Variants in SULT1C3 observed in about 807,000 individuals in gnomAD.
SULT1C3 encodes sulfotransferase family 1C member 3.
In SULT1C3, 31 loss-of-function variants were observed where a neutral mutation model predicts 28.4. The observed-to-expected ratio is 1.09, with a 90% confidence interval of 0.82 to 1.47. SULT1C3 has a LOEUF of 1.47. Ranked by LOEUF, SULT1C3 falls within the 40% of genes most tolerant of loss-of-function variation. SULT1C3 has a pLI of 0.00. For missense variants in SULT1C3, 307 were observed against 272.5 expected (o/e 1.13, Z -0.89); for synonymous variants, 106 against 92.2 (o/e 1.15, Z -0.86).
intron 5 of SULT1C3, 149 bp downstream of exon 5, chr2:108,255,847 A>C: frequency 9.7e-7 from 1 of 1,033,808 alleles, no homozygotes; most frequent in Non-Finnish European, 1.3e-6. Flanking sequence ...CAGGTAGAAG[A>C]GGTATTTTTC....
chr2:108,250,236 A>G (rs1182006084), intron 2 of SULT1C3, among the ~76,000 whole-genome samples: 1 of 150,930 alleles, frequency 6.6e-6, no homozygotes, highest in Admixed American at 6.6e-5. Flanking sequence ...ACAAAAAACA[A>G]AAAAAAAATG....
chr2:108,251,398 A>T (rs1558663351), intron 2 of SULT1C3, among the ~76,000 whole-genome samples: 1 of 152,060 alleles, frequency 6.6e-6, no homozygotes. Flanking sequence ...TATTCCTAAA[A>T]GCAAATGGAA....
At chr2:108,251,743 A>G (rs1045842413) in intron 2 of SULT1C3, among the ~76,000 whole-genome samples, 1 of 152,086 alleles carries the variant, frequency 6.6e-6, no homozygotes, top group Admixed American at 6.6e-5. Context: ...AAGAAAAAAT[A>G]TGGAAAGATG....
intron 1 of SULT1C3, among the ~76,000 whole-genome samples, chr2:108,243,301 T>C (rs965329287): frequency 7.2e-5 from 11 of 152,288 alleles, no homozygotes; most frequent in African/African-American, 2.4e-4. Context: ...TTACAGTTTA[T>C]ACTTTAAAAC....
At position 108,258,043 on chromosome 2, in the gene SULT1C3, C is replaced by T. The variant is rs145332664; in HGVS notation, c.527-691C>T. On this transcript the variant is annotated intron_variant, in intron 5 of 7. Transcript: ENST00000681802. ...CTGGAGAATGTTTTCCATCATCCTT[C>T]AGACGAATCTTCAAGTCCACTTAGC... Among the ~76,000 whole-genome samples, 1,325 of 152,212 alleles carry T rather than the reference C, an allele frequency of 8.7e-3. 81 individuals are homozygous for T. Among genetic ancestry groups the T allele is most frequent in the Admixed American group, 0.078 (1,197 of 15,268 alleles).
intron 2 of SULT1C3, among the ~76,000 whole-genome samples, chr2:108,247,895 T>C (rs1180462362): frequency 6.6e-6 from 1 of 152,118 alleles, no homozygotes; most frequent in East Asian, 1.9e-4. Flanking sequence ...CTCTAAAAAT[T>C]CCTAGACTGG....
At chr2:108,241,650 G>C (rs1239092378) in intron 1 of SULT1C3, among the ~76,000 whole-genome samples, 1 of 152,188 alleles carries the variant, frequency 6.6e-6, no homozygotes, top group East Asian at 1.9e-4. Flanking sequence ...GACTGGGACA[G>C]GTCGTGGTGG....
intron 5 of SULT1C3, among the ~76,000 whole-genome samples, chr2:108,257,594 G>A (rs1435587046): frequency 6.6e-6 from 1 of 151,940 alleles, no homozygotes; most frequent in Non-Finnish European, 1.5e-5. Context: ...AGAGAAAGAA[G>A]GATAGAGAGA....
rs111976908 is a variant in SULT1C3 at position 108,253,466 on chromosome 2, C to A, written c.399+24C>A. The A allele has an allele frequency of 3.9e-3, 4,913 of 1,257,890 alleles. 147 individuals carry two copies. The African/African-American group carries it at 0.063, about 16-fold the overall frequency. 77.9% of individuals were successfully genotyped at this position (1,257,890 alleles called of 1,614,324 possible). Reference sequence around the variant, plus strand: ...AGGTATAAAGAGGGGGCTTTTCAAACTTCTCTTAGCTTGGTGATATAAACT... The same window carrying A: ...AGGTATAAAGAGGGGGCTTTTCAAAATTCTCTTAGCTTGGTGATATAAACT... On this transcript the variant is annotated intron_variant, in intron 4 of 7. Coordinates refer to ENST00000681802, the MANE Select transcript of SULT1C3 (RefSeq NM_001320878.2).
intron 1 of SULT1C3, among the ~76,000 whole-genome samples, chr2:108,240,416 AT>A: frequency 6.6e-6 from 1 of 152,334 alleles, no homozygotes; most frequent in South Asian, 2.1e-4. Context: ...AGTAGAGTGA[AT>A]ATAGCAATTC....
chr2:108,253,904 C>T (rs1483988459), intron 4 of SULT1C3, among the ~76,000 whole-genome samples: 1 of 151,936 alleles, frequency 6.6e-6, no homozygotes, highest in African/African-American at 2.4e-5. Context: ...TTTTATCCCC[C>T]TCACCTCTAT....
intron 1 of SULT1C3, among the ~76,000 whole-genome samples, chr2:108,241,484 C>A (rs180706412): frequency 1.1e-3 from 163 of 152,310 alleles, no homozygotes; most frequent in African/African-American, 3.7e-3. Context: ...AAACAAGCAT[C>A]AGCAATATTC....
chr2:108,247,417 G>A (rs1195585411), intron 2 of SULT1C3, 51 bp downstream of exon 2: 2 of 1,425,836 alleles, frequency 1.4e-6, no homozygotes, highest in Non-Finnish European at 1.9e-6. Flanking sequence ...TGAAATTATT[G>A]CATAATCTGT....
chr2:108,254,313 C>T (rs574270520), intron 4 of SULT1C3, among the ~76,000 whole-genome samples: 2 of 152,148 alleles, frequency 1.3e-5, no homozygotes, highest in East Asian at 3.9e-4. Context: ...ATGCTCTCAT[C>T]TGACTCAAGC....
intron 5 of SULT1C3, among the ~76,000 whole-genome samples, chr2:108,256,988 T>C (rs1432127692): frequency 6.6e-6 from 1 of 152,002 alleles, no homozygotes; most frequent in African/African-American, 2.4e-5. Flanking sequence ...CCAAGCTTCT[T>C]TTCTTATATG....
At chr2:108,259,648 G>C (rs1449289776) in intron 7 of SULT1C3, among the ~76,000 whole-genome samples, 5 of 152,038 alleles carry the variant, frequency 3.3e-5, no homozygotes, top group African/African-American at 1.2e-4. Flanking sequence ...AGGCTGTCCT[G>C]AAGAGAGTGT....
intron 1 of SULT1C3, among the ~76,000 whole-genome samples, 135 bp downstream of exon 1, chr2:108,240,218 T>C (rs534163715): frequency 6.6e-6 from 1 of 152,290 alleles, no homozygotes; most frequent in South Asian, 2.1e-4. Flanking sequence ...CAGCTCCAAA[T>C]AAAACTCAGG....
intron 1 of SULT1C3, among the ~76,000 whole-genome samples, chr2:108,243,630 CAAA>C (rs34569653): frequency 3.1e-5 from 4 of 129,838 alleles, no homozygotes; most frequent in Admixed American, 7.7e-5. Context: ...GACTCTATCT[CAAA>C]AAAAAAAAAA....
chr2:108,248,208 T>G (rs1432103073), intron 2 of SULT1C3, among the ~76,000 whole-genome samples: 1 of 152,066 alleles, frequency 6.6e-6, no homozygotes, highest in Non-Finnish European at 1.5e-5. Flanking sequence ...GTAGCCACAT[T>G]TGGGACAGTT....
Sources: gnomAD v4.1 joint callset for allele counts (sites outside exome capture counted in the v4.1 genomes callset) on GRCh38, gnomAD v4.1.1 for gene constraint, MANE v1.5 for transcripts, NCBI Gene and HGNC (gene_info 2026-07-23, HGNC 2026-07-21) for gene names.